The following C18orf32 variants were observed in gnomAD, a reference collection of about 807,000 sequenced individuals.
The protein encoded by C18orf32 is chromosome 18 open reading frame 32.
C18orf32 carries 5 observed loss-of-function variants against 7.4 expected under a neutral mutation model. The ratio of observed to expected loss-of-function variants is 0.68; its 90% CI spans 0.35 to 1.42. The LOEUF is 1.42. C18orf32 is among the 40% of genes most tolerant of loss of function. C18orf32 has a pLI of 0.04. For synonymous variants in C18orf32, 30 were observed against 29.3 expected (o/e 1.02, Z -0.08); for missense variants, 88 against 92.4 (o/e 0.95, Z 0.19).
At chr18:49,483,823 A>C in intron 1 of C18orf32, 52 bp from the exon 2 acceptor site, 4 of 1,565,200 alleles carry the variant, frequency 2.6e-6, no homozygotes, top group Middle Eastern at 1.7e-4. Flanking sequence ...TAGTAACTGA[A>C]AGAATTTACC....
intron 1 of C18orf32, 28 bp downstream of exon 1, chr18:49,487,015 G>A (rs1342622462): frequency 6.6e-6 from 1 of 152,276 alleles, no homozygotes; most frequent in Admixed American, 6.5e-5. Context: ...GCGGAGGGCG[G>A]AGGAGCGCGC....
Position 49,478,285 on chromosome 18 carries a change from A to T in C18orf32, c.*4060T>A, listed in dbSNP as rs2083634985. ...CTGTTTTTCTTTTTCTTTTCTTTTG[A>T]GACAGTCTTGCTCTGTCACCTAGGC... On this transcript the variant is annotated 3_prime_UTR_variant, in exon 3 of 3. Transcript: ENST00000318240. The T allele has an allele frequency of 6.7e-6, 1 of 149,656 alleles. No individual in the cohort carries two copies. Among genetic ancestry groups the T allele is most frequent in the Non-Finnish European group, 1.5e-5 (1 of 68,072 alleles). The allele number at this position is 149,656 out of a possible 1,614,324, so 9.3% of individuals were successfully genotyped here.
Position 49,478,155 on chromosome 18 carries a change from G to A in C18orf32, c.*4190C>T, listed in dbSNP as rs992416039. On this transcript the variant is annotated 3_prime_UTR_variant, in exon 3 of 3. Coordinates refer to ENST00000318240, the MANE Select transcript of C18orf32 (RefSeq NM_001035005.4). ...GGGTTCAAGCAATCCTCCCACCTCAGCCTCCAGAGTAGCTGGGACCACAGG... is the reference window on the plus strand; with the variant it reads ...GGGTTCAAGCAATCCTCCCACCTCAACCTCCAGAGTAGCTGGGACCACAGG... 1 of 149,864 alleles carries A rather than the reference G, an allele frequency of 6.7e-6. No homozygotes were observed. Among genetic ancestry groups the A allele is most frequent in the Admixed American group, 6.6e-5 (1 of 15,176 alleles). The allele number at this position is 149,864 out of a possible 1,614,324, so 9.3% of individuals were successfully genotyped here. A position where few individuals can be genotyped will look rare whatever the true frequency, so the allele number is the denominator to read the frequency against.
At chr18:49,484,201 C>CGCATACAT (rs2083708896) in intron 1 of C18orf32, among the ~76,000 whole-genome samples, 2 of 117,836 alleles carry the variant, frequency 1.7e-5, no homozygotes, top group Non-Finnish European at 3.3e-5. Flanking sequence ...CACACACACA[C>CGCATACAT]GAAAGGACTA....
At position 49,479,940 on chromosome 18, in the gene C18orf32, C is replaced by T. The variant is rs1488291165; in HGVS notation, c.*2405G>A. ...ATGATGTAAGCAAAATTTACAAAAG[C>T]ACTTGGGAGGATGTGTGGGAGGAGC... is the stretch of plus-strand genomic sequence containing the variant. On this transcript the variant is annotated 3_prime_UTR_variant, in exon 3 of 3. Coordinates refer to ENST00000318240, the MANE Select transcript of C18orf32 (RefSeq NM_001035005.4). 1 of 152,292 alleles carries T rather than the reference C, an allele frequency of 6.6e-6. No homozygotes were observed. Among genetic ancestry groups the T allele is most frequent in the Non-Finnish European group, 1.5e-5 (1 of 68,102 alleles). The allele number at this position is 152,292 out of a possible 1,614,324, so 9.4% of individuals were successfully genotyped here.
At position 49,478,380 on chromosome 18, in the gene C18orf32, C is replaced by A. The variant is rs1006309341; in HGVS notation, c.*3965G>T. ...CTGGTTTCAAACGATTCTCATGCCT[C>A]AGCCTCTGGAGTAGCTGGGATTACA... is the stretch of plus-strand genomic sequence containing the variant. On this transcript the variant is annotated 3_prime_UTR_variant, in exon 3 of 3. Coordinates refer to ENST00000318240, the MANE Select transcript of C18orf32 (RefSeq NM_001035005.4). 1.3e-5 allele frequency: 2 copies of A among 150,398 alleles called. No homozygotes were observed. Among genetic ancestry groups the A allele is most frequent in the Non-Finnish European group, 2.9e-5 (2 of 68,196 alleles). 9.3% of individuals were successfully genotyped at this position (150,398 alleles called of 1,614,324 possible). A position where few individuals can be genotyped will look rare whatever the true frequency, so the allele number is the denominator to read the frequency against.
At position 49,482,289 on chromosome 18, in the gene C18orf32, T is replaced by C; in HGVS notation, c.*56A>G. 1.7e-6 allele frequency: 2 copies of C among 1,200,162 alleles called. No homozygotes were observed. Among genetic ancestry groups the C allele is most frequent in the Non-Finnish European group, 2.5e-6 (2 of 805,216 alleles). The allele number at this position is 1,200,162 out of a possible 1,614,324, so 74.3% of individuals were successfully genotyped here. Reference sequence around the variant, plus strand: ...AGGTCAGAGACAATTACAAGGAAGATGCTTCATATTATCAGGTCCATTTTT... The same window carrying C: ...AGGTCAGAGACAATTACAAGGAAGACGCTTCATATTATCAGGTCCATTTTT... On this transcript the variant is annotated 3_prime_UTR_variant, in exon 3 of 3. Coordinates refer to ENST00000318240, the MANE Select transcript of C18orf32 (RefSeq NM_001035005.4).
chr18:49,485,006 C>T (rs1046600651), intron 1 of C18orf32, among the ~76,000 whole-genome samples: 1 of 151,622 alleles, frequency 6.6e-6, no homozygotes, highest in Non-Finnish European at 1.5e-5. Flanking sequence ...TGCTTGAACC[C>T]GGGAGGTAGA....
In C18orf32 at chr18:49,481,899, C is replaced by G. The variant is rs2083666259; in HGVS notation, c.*446G>C. On this transcript the variant is annotated 3_prime_UTR_variant, in exon 3 of 3. Coordinates refer to ENST00000318240, the MANE Select transcript of C18orf32 (RefSeq NM_001035005.4). ...TCTTTATGTTTCACATCATTATTACCTCCCAAAATTCTACCTTCATTTCCC... is the reference window on the plus strand; with the variant it reads ...TCTTTATGTTTCACATCATTATTACGTCCCAAAATTCTACCTTCATTTCCC... The G allele has an allele frequency of 6.2e-6, 1 of 162,258 alleles. No homozygotes were observed. The highest frequency in any genetic ancestry group is 1.3e-5 in the Non-Finnish European group (1 of 75,152). The allele number at this position is 162,258 out of a possible 1,614,324, so 10.1% of individuals were successfully genotyped here. A position where few individuals can be genotyped will look rare whatever the true frequency, so the allele number is the denominator to read the frequency against.
In C18orf32 at chr18:49,482,305, G is replaced by T; in HGVS notation, c.*40C>A. The T allele has an allele frequency of 7.3e-7, 1 of 1,369,278 alleles. No individual in the cohort carries two copies. Among genetic ancestry groups the T allele is most frequent in the Non-Finnish European group, 1.0e-6 (1 of 958,500 alleles). The allele number at this position is 1,369,278 out of a possible 1,614,324, so 84.8% of individuals were successfully genotyped here. On this transcript the variant is annotated 3_prime_UTR_variant, in exon 3 of 3. Coordinates refer to ENST00000318240, the MANE Select transcript of C18orf32 (RefSeq NM_001035005.4). ...CAAGGAAGATGCTTCATATTATCAGGTCCATTTTTTAAATGATGGGGTCCT... is the reference window on the plus strand; with the variant it reads ...CAAGGAAGATGCTTCATATTATCAGTTCCATTTTTTAAATGATGGGGTCCT...
chr18:49,478,020 T>C lies in C18orf32; in HGVS notation c.*4325A>G, dbSNP rs79108937. Reference sequence around the variant, plus strand: ...TGAAATCTTAGACTTGTCATTTACATATTTAAACTCCATTATTCTTTTTTT... The same window carrying C: ...TGAAATCTTAGACTTGTCATTTACACATTTAAACTCCATTATTCTTTTTTT... On this transcript the variant is annotated 3_prime_UTR_variant, in exon 3 of 3. Transcript: ENST00000318240. 89 of 149,074 alleles carry C rather than the reference T, an allele frequency of 6.0e-4. 8 individuals carry two copies. Among genetic ancestry groups the C allele is most frequent in the African/African-American group, 2.3e-3 (89 of 38,832 alleles). The allele number at this position is 149,074 out of a possible 1,614,324, so 9.2% of individuals were successfully genotyped here. A position where few individuals can be genotyped will look rare whatever the true frequency, so the allele number is the denominator to read the frequency against.
chr18:49,483,554 C>A, intron 2 of C18orf32, 30 bp downstream of exon 2: 1 of 1,559,458 alleles, frequency 6.4e-7, no homozygotes, highest in Non-Finnish European at 8.6e-7. Context: ...CCTTTCACTG[C>A]TCTTATTCAA....
At chr18:49,483,899 G>A in intron 1 of C18orf32, 128 bp from the exon 2 acceptor site, 2 of 1,093,196 alleles carry the variant, frequency 1.8e-6, no homozygotes, top group East Asian at 2.7e-5. Flanking sequence ...CACTTTGGGA[G>A]GCAAGAGGAT....
At position 49,480,419 on chromosome 18, in the gene C18orf32, C is replaced by A. The variant is rs1340399649; in HGVS notation, c.*1926G>T. ...CTCAGTAGGTAAAACCTTTGAGGAG[C>A]AAAGAAGTAGGGACAATTAGAAACG... On this transcript the variant is annotated 3_prime_UTR_variant, in exon 3 of 3. Coordinates refer to ENST00000318240, the MANE Select transcript of C18orf32 (RefSeq NM_001035005.4). 2.0e-5 allele frequency: 3 copies of A among 151,818 alleles called. No individual in the cohort carries two copies. In the East Asian group the frequency reaches 5.8e-4, roughly 29 times the overall value. The allele number at this position is 151,818 out of a possible 1,614,324, so 9.4% of individuals were successfully genotyped here. A position where few individuals can be genotyped will look rare whatever the true frequency, so the allele number is the denominator to read the frequency against.
Position 49,482,417 on chromosome 18 carries a change from T to C in C18orf32, c.166-7A>G, listed in dbSNP as rs370544732. 5 of 1,602,288 alleles carry C rather than the reference T, an allele frequency of 3.1e-6. No homozygotes were observed. Among genetic ancestry groups the C allele is most frequent in the Non-Finnish European group, 4.3e-6 (5 of 1,171,314 alleles). ...ATCCATTCATGTCTGCACCCTAAAATGAAAAAACATTTTAGAAATTATCAT... is the reference window on the plus strand; with the variant it reads ...ATCCATTCATGTCTGCACCCTAAAACGAAAAAACATTTTAGAAATTATCAT... On this transcript the variant is annotated splice_region_variant and splice_polypyrimidine_tract_variant and intron_variant, in intron 2 of 2. Coordinates refer to ENST00000318240, the MANE Select transcript of C18orf32 (RefSeq NM_001035005.4).
At position 49,478,939 on chromosome 18, in the gene C18orf32, G is replaced by C. The variant is rs2083639220; in HGVS notation, c.*3406C>G. The C allele has an allele frequency of 7.1e-6, 1 of 140,784 alleles. No homozygotes were observed. Among genetic ancestry groups the C allele is most frequent in the African/African-American group, 3.2e-5 (1 of 30,810 alleles). 8.7% of individuals were successfully genotyped at this position (140,784 alleles called of 1,614,324 possible). Reference sequence around the variant, plus strand: ...TTTTTCACTCTTCTGGTGTCAAACTGTCTTTTACGAAATACTGGTAATAAA... The same window carrying C: ...TTTTTCACTCTTCTGGTGTCAAACTCTCTTTTACGAAATACTGGTAATAAA... On this transcript the variant is annotated 3_prime_UTR_variant, in exon 3 of 3. Transcript: ENST00000318240.
chr18:49,481,783 C>G lies in C18orf32; in HGVS notation c.*562G>C, dbSNP rs1365999102. 2 of 152,108 alleles carry G rather than the reference C, an allele frequency of 1.3e-5. No individual in the cohort carries two copies. The highest frequency in any genetic ancestry group is 4.8e-5 in the African/African-American group (2 of 41,398). 9.4% of individuals were successfully genotyped at this position (152,108 alleles called of 1,614,324 possible). Reference sequence around the variant, plus strand: ...TTTCAAAGAAGTTTCCCCCTTTTCCCTATCTTTTTTTAATCTTCCTTAGAG... The same window carrying G: ...TTTCAAAGAAGTTTCCCCCTTTTCCGTATCTTTTTTTAATCTTCCTTAGAG... On this transcript the variant is annotated 3_prime_UTR_variant, in exon 3 of 3. Transcript: ENST00000318240.
At position 49,481,389 on chromosome 18, in the gene C18orf32, T is replaced by G. The variant is rs2083659728; in HGVS notation, c.*956A>C. ...AATATTTATAGGTCCCTACACTGAA[T>G]TTTCAAAGCCCAAGATAAAAATCAC... On this transcript the variant is annotated 3_prime_UTR_variant, in exon 3 of 3. Transcript: ENST00000318240. 6.6e-6 allele frequency: 1 copy of G among 152,176 alleles called. No individual in the cohort carries two copies. Among genetic ancestry groups the G allele is most frequent in the African/African-American group, 2.4e-5 (1 of 41,416 alleles). 9.4% of individuals were successfully genotyped at this position (152,176 alleles called of 1,614,324 possible).
At chr18:49,486,699 G>T (rs927775579) in intron 1 of C18orf32, 2 of 152,142 alleles carry the variant, frequency 1.3e-5, no homozygotes, top group Non-Finnish European at 2.9e-5. Flanking sequence ...AGAGTAGACA[G>T]TTAAAGTCTG....
Sources: allele counts gnomAD v4.1 joint callset (sites outside exome capture counted in the v4.1 genomes callset), GRCh38; gene constraint gnomAD v4.1.1; transcripts MANE v1.5; gene names NCBI Gene and HGNC (gene_info 2026-07-23, HGNC 2026-07-21).